COL4A6: variants seen among roughly 807,000 people sequenced by gnomAD.
COL4A6 encodes collagen type IV alpha 6 chain.
Under a neutral mutation model 126.7 loss-of-function variants are expected in COL4A6, and 59 were observed. The ratio of observed to expected loss-of-function variants is 0.47; its 90% CI spans 0.38 to 0.58. COL4A6 has a LOEUF of 0.58. Ranked by LOEUF, COL4A6 falls within the 20% of genes least tolerant of loss-of-function variation. COL4A6 has a pLI of 0.00. For missense variants in COL4A6, 1,285 were observed against 1,337.3 expected, an observed-to-expected ratio of 0.96 and a Z score of 0.61; for synonymous variants, 547 against 496.6, an observed-to-expected ratio of 1.10 and a Z score of -1.35.
chrX:108,351,080 C>T (rs940096026), intron 2 of COL4A6, among the ~76,000 whole-genome samples: 2 of 111,420 alleles, frequency 1.8e-5, no homozygotes, highest in Non-Finnish European at 3.8e-5. Context: ...AGCTTAGCCT[C>T]GGGGTCCCAA....
intron 2 of COL4A6, among the ~76,000 whole-genome samples, chrX:108,421,507 T>C (rs2063981573): frequency 8.9e-6 from 1 of 111,960 alleles, no homozygotes; most frequent in South Asian, 3.7e-4. Context: ...GGAAGTGAAC[T>C]TTAAGAAATT....
chrX:108,214,507 A>C (rs1308744830), intron 5 of COL4A6, among the ~76,000 whole-genome samples: 1 of 112,211 alleles, frequency 8.9e-6, no homozygotes, highest in Non-Finnish European at 1.9e-5. Flanking sequence ...AAGGTCTTGC[A>C]ACTTTACCTT....
intron 3 of COL4A6, among the ~76,000 whole-genome samples, chrX:108,300,045 CT>C (rs1382051893): frequency 9.0e-6 from 1 of 111,624 alleles, no homozygotes; most frequent in African/African-American, 3.3e-5. Context: ...GTTGGTCTTT[CT>C]CCCTGGGCAT....
At chrX:108,305,352 T>C (rs745691891) in intron 3 of COL4A6, among the ~76,000 whole-genome samples, 1 of 112,022 alleles carries the variant, frequency 8.9e-6, no homozygotes, top group Non-Finnish European at 1.9e-5. Context: ...TTTTGTTTTC[T>C]GAAGTGAGGA....
chrX:108,292,151 T>C (rs764904777), intron 3 of COL4A6, among the ~76,000 whole-genome samples: 8 of 112,382 alleles, frequency 7.1e-5, no homozygotes, highest in Admixed American at 1.9e-4. Flanking sequence ...ATTCCATTTA[T>C]AGCATTGTTC....
At chrX:108,276,592 C>T (rs762421008) in intron 3 of COL4A6, among the ~76,000 whole-genome samples, 4 of 112,291 alleles carry the variant, frequency 3.6e-5, no homozygotes, top group Non-Finnish European at 7.5e-5. Context: ...AAGATGAGGA[C>T]ATTTGAGGGC....
chrX:108,312,340 C>T (rs1171880042), intron 2 of COL4A6, among the ~76,000 whole-genome samples: 2 of 112,156 alleles, frequency 1.8e-5, no homozygotes, highest in Non-Finnish European at 3.8e-5. Context: ...AAAGCTATGA[C>T]AAAATATTAC....
intron 5 of COL4A6, among the ~76,000 whole-genome samples, chrX:108,217,538 T>C (rs963641624): frequency 5.4e-5 from 6 of 111,008 alleles, no homozygotes; most frequent in African/African-American, 2.0e-4. Context: ...ACGGAAGATA[T>C]AATCTCTGCT....
chrX:108,211,932 C>G (rs991983740), intron 6 of COL4A6, among the ~76,000 whole-genome samples, 192 bp from the exon 7 acceptor site: 1 of 111,438 alleles, frequency 9.0e-6, no homozygotes, highest in Non-Finnish European at 1.9e-5. Context: ...TATATGCCCT[C>G]CCAATCCCCA....
At chrX:108,336,824 G>A (rs935262952) in intron 2 of COL4A6, among the ~76,000 whole-genome samples, 8 of 110,786 alleles carry the variant, frequency 7.2e-5, no homozygotes, top group Non-Finnish European at 1.5e-4. Flanking sequence ...AGCTTTGTTT[G>A]GTCTGGCCCT....
chrX:108,162,951 A>G lies in COL4A6; in HGVS notation c.4157T>C (p.Ile1386Thr). Residue 1386 changes from isoleucine (I) to threonine (T), a missense_variant, in exon 41 of 45, where the codon ATC becomes ACC. Physicochemically the swap from Ile to Thr is moderately conservative, Grantham distance 89. Coordinates refer to ENST00000334504, the MANE Select transcript of COL4A6 (RefSeq NM_033641.4). ...CCCAGTGAGGCCAGGGATGCCATCGATCCCTGGTAGACCCAAGGGTCCAGG... is the reference window on the plus strand; with the variant it reads ...CCCAGTGAGGCCAGGGATGCCATCGGTCCCTGGTAGACCCAAGGGTCCAGG... Reference protein sequence around the residue: ...VPPGPLGLPGIDGIPGLTGDP... With the variant: ...VPPGPLGLPGTDGIPGLTGDP... The G allele has an allele frequency of 2.5e-6, 3 of 1,201,781 alleles. No individual in the cohort carries two copies. The South Asian group carries it at 5.4e-5, about 22-fold the overall frequency.
chrX:108,323,971 C>T (rs2039090765), intron 2 of COL4A6, among the ~76,000 whole-genome samples: 1 of 112,407 alleles, frequency 8.9e-6, no homozygotes, highest in South Asian at 3.7e-4. Context: ...GCTACTAGAC[C>T]TTAAGTATAC....
intron 2 of COL4A6, among the ~76,000 whole-genome samples, chrX:108,315,589 T>A (rs1420843658): frequency 2.7e-5 from 3 of 112,189 alleles, no homozygotes; most frequent in Non-Finnish European, 5.6e-5. Flanking sequence ...CTAAATATTT[T>A]AAATATAATC....
intron 3 of COL4A6, among the ~76,000 whole-genome samples, chrX:108,248,579 CTCTG>C (rs1316784954): frequency 1.8e-5 from 2 of 111,229 alleles, no homozygotes; most frequent in African/African-American, 6.5e-5. Flanking sequence ...CTACAAAACT[CTCTG>C]TCTAACACTC....
chrX:108,160,313 A>G (rs2033881846), intron 43 of COL4A6, 150 bp downstream of exon 43: 1 of 546,981 alleles, frequency 1.8e-6, no homozygotes, highest in African/African-American at 2.3e-5. Flanking sequence ...TAGAGCCAGG[A>G]TTTGAATCCA....
At chrX:108,392,327 C>T (rs2040855912) in intron 2 of COL4A6, among the ~76,000 whole-genome samples, 1 of 110,075 alleles carries the variant, frequency 9.1e-6, no homozygotes, top group African/African-American at 3.3e-5. Flanking sequence ...AAAAGATAAC[C>T]CACACAATGG....
chrX:108,354,077 C>T (rs1404344656), intron 2 of COL4A6, among the ~76,000 whole-genome samples: 2 of 111,545 alleles, frequency 1.8e-5, no homozygotes, highest in African/African-American at 3.3e-5. Context: ...GGCTTGAACC[C>T]GTGTGGCAGA....
At chrX:108,269,293 G>T in intron 3 of COL4A6, 1 of 257,398 alleles carries the variant, frequency 3.9e-6, no homozygotes, top group Non-Finnish European at 7.3e-6. Context: ...AGATCAGCTG[G>T]AAACCTAGAG....
At chrX:108,194,178 G>T (rs1313200753) in intron 16 of COL4A6, among the ~76,000 whole-genome samples, 2 of 112,402 alleles carry the variant, frequency 1.8e-5, no homozygotes, top group African/African-American at 3.2e-5. Context: ...GGGTGTGATG[G>T]TGGCAGTTAT....
Sources: gnomAD v4.1 joint callset for allele counts (sites outside exome capture counted in the v4.1 genomes callset) on GRCh38, gnomAD v4.1.1 for gene constraint, MANE v1.5 for transcripts, NCBI Gene and HGNC (gene_info 2026-07-23, HGNC 2026-07-21) for gene names.